The following RARB variants were observed in gnomAD, a reference collection of about 807,000 sequenced individuals.
RARB encodes retinoic acid receptor beta, also known as HBV-activated protein.
A neutral mutation model predicts 51.9 loss-of-function variants in RARB; 17 were observed. That is an observed-to-expected ratio of 0.33 (90% CI 0.22 to 0.49). The LOEUF (loss-of-function observed/expected upper bound fraction) is 0.49, where lower values mean the gene tolerates loss of function less well. RARB is among the 20% of genes least tolerant of loss of function. The pLI is 0.99. For synonymous variants in RARB, 215 were observed against 195.4 expected, an observed-to-expected ratio of 1.10 and a Z score of -0.84; for missense variants, 369 against 550.8, an observed-to-expected ratio of 0.67 and a Z score of 3.30.
chr3:25,113,442 A>AT (rs1699635938), intron 3 of RARB, among the ~76,000 whole-genome samples: 1 of 152,176 alleles, frequency 6.6e-6, no homozygotes, highest in African/African-American at 2.4e-5. Flanking sequence ...CAGTGGAAAT[A>AT]TTTTTTGTTT....
intron 5 of RARB, among the ~76,000 whole-genome samples, chr3:25,186,146 A>G (rs1165507219): frequency 6.6e-6 from 1 of 152,008 alleles, no homozygotes; most frequent in South Asian, 2.1e-4. Flanking sequence ...GACAACCCCA[A>G]CGAAAAATAA....
At chr3:25,263,929 C>T (rs922786838) in intron 5 of RARB, among the ~76,000 whole-genome samples, 1 of 152,140 alleles carries the variant, frequency 6.6e-6, no homozygotes, top group Middle Eastern at 3.4e-3. Flanking sequence ...TACTGACAAG[C>T]GTATTTCTCT....
intron 5 of RARB, among the ~76,000 whole-genome samples, chr3:25,584,072 A>G (rs1456781598): frequency 6.6e-6 from 1 of 152,060 alleles, no homozygotes; most frequent in Non-Finnish European, 1.5e-5. Context: ...AGTCTCTCTC[A>G]ACTTAAAATA....
intron 5 of RARB, among the ~76,000 whole-genome samples, chr3:25,187,132 T>C (rs1161129304): frequency 6.6e-6 from 1 of 152,078 alleles, no homozygotes; most frequent in Non-Finnish European, 1.5e-5. Context: ...ACCTCTCAAA[T>C]GAGGGTCTTA....
At chr3:25,312,820 T>G (rs754643027) in intron 5 of RARB, among the ~76,000 whole-genome samples, 1 of 152,212 alleles carries the variant, frequency 6.6e-6, no homozygotes, top group Admixed American at 6.5e-5. Context: ...TGGGAGCAGC[T>G]GTCCCTCGCG....
intron 4 of RARB, among the ~76,000 whole-genome samples, chr3:25,140,234 ATTTTGGCAGAG>A (rs1368131237): frequency 6.6e-6 from 1 of 152,160 alleles, no homozygotes; most frequent in African/African-American, 2.4e-5. Flanking sequence ...TCTCTGATGG[ATTTTGGCAGAG>A]TTAATTGAAA....
intron 2 of RARB, among the ~76,000 whole-genome samples, chr3:25,031,919 C>T (rs574183060): frequency 2.6e-5 from 4 of 152,234 alleles, no homozygotes; most frequent in African/African-American, 4.8e-5. Context: ...AGGAAAAATA[C>T]ATTAAGAAAG....
At chr3:25,100,644 G>T (rs2125320923) in intron 3 of RARB, among the ~76,000 whole-genome samples, 1 of 152,242 alleles carries the variant, frequency 6.6e-6, no homozygotes. Context: ...CTGATAATGA[G>T]AGATAACTCT....
At chr3:25,464,711 T>C (rs556494710) in intron 2 of RARB, among the ~76,000 whole-genome samples, 1 of 152,224 alleles carries the variant, frequency 6.6e-6, no homozygotes, top group Non-Finnish European at 1.5e-5. Flanking sequence ...CAATACAGTA[T>C]AGAATTTATT....
rs867215456 is a variant in RARB at position 25,124,773 on chromosome 3, C to T, written c.-327-7388C>T. Among the ~76,000 whole-genome samples, 5 of 152,168 alleles carry T rather than the reference C, an allele frequency of 3.3e-5. No individual in the cohort carries two copies. The South Asian group carries it at 8.3e-4, about 25-fold the overall frequency. ...TGATTTATGGTCCTTATTTGTAGCA[C>T]ATTGGTTTTATTTGCCTCATGTTTG... On this transcript the variant is annotated intron_variant, in intron 3 of 11. Transcript: ENST00000383772.
At chr3:25,344,376 G>A (rs1289505998) in intron 5 of RARB, among the ~76,000 whole-genome samples, 1 of 152,138 alleles carries the variant, frequency 6.6e-6, no homozygotes, top group Non-Finnish European at 1.5e-5. Flanking sequence ...TAATTTCTAA[G>A]TAGTGTTTAT....
At chr3:25,044,350 A>G (rs1698172350) in intron 2 of RARB, among the ~76,000 whole-genome samples, 1 of 152,212 alleles carries the variant, frequency 6.6e-6, no homozygotes, top group African/African-American at 2.4e-5. Flanking sequence ...ACTGTATCTG[A>G]GTCTGCCTAC....
chr3:25,245,559 T>A (rs1242568029), intron 5 of RARB, among the ~76,000 whole-genome samples: 1 of 152,214 alleles, frequency 6.6e-6, no homozygotes, highest in Non-Finnish European at 1.5e-5. Context: ...TCTTCACTTA[T>A]GAAGCTTAGT....
intron 4 of RARB, among the ~76,000 whole-genome samples, chr3:25,164,675 G>A (rs138057010): frequency 6.6e-6 from 1 of 151,890 alleles, no homozygotes; most frequent in Admixed American, 6.6e-5. Flanking sequence ...TGCTACTTTG[G>A]GGACCCTATT....
chr3:25,305,407 G>A (rs769041091), intron 5 of RARB, among the ~76,000 whole-genome samples: 14 of 152,224 alleles, frequency 9.2e-5, no homozygotes, highest in East Asian at 7.7e-4. Context: ...TGAAGATTAC[G>A]TCAAATATAT....
intron 3 of RARB, among the ~76,000 whole-genome samples, chr3:25,073,087 G>A (rs1698802474): frequency 6.6e-6 from 1 of 152,144 alleles, no homozygotes; most frequent in Non-Finnish European, 1.5e-5. Context: ...AAAACTGAAT[G>A]AGTAAGACAC....
upstream of RARB, chr3:25,428,150 A>C (rs952226353): frequency 1.2e-4 from 129 of 1,034,922 alleles, 1 homozygote; most frequent in Non-Finnish European, 1.2e-5. Flanking sequence ...CTCTGTGAGA[A>C]TCCTGGGAGT....
Position 25,515,963 on chromosome 3 carries a change from T to C in RARB, c.448+14640T>C, listed in dbSNP as rs895304643. 3.3e-5 allele frequency among the ~76,000 whole-genome samples: 5 copies of C among 152,264 alleles called. No homozygotes were observed. In the South Asian group the frequency reaches 1.0e-3, roughly 32 times the overall value. ...CATCAAGAAGAGTAATACCTCTCATTAGAAGAATCTTCCTTCCTGTTAATA... is the reference window on the plus strand; with the variant it reads ...CATCAAGAAGAGTAATACCTCTCATCAGAAGAATCTTCCTTCCTGTTAATA... On this transcript the variant is annotated intron_variant, in intron 3 of 7. Transcript: ENST00000330688.
At chr3:25,162,407 C>T (rs1559487947) in intron 4 of RARB, among the ~76,000 whole-genome samples, 1 of 152,168 alleles carries the variant, frequency 6.6e-6, no homozygotes, top group Non-Finnish European at 1.5e-5. Flanking sequence ...CACGCCCAGC[C>T]ATTCTTTTTA....
Sources: gnomAD v4.1 joint callset for allele counts (sites outside exome capture counted in the v4.1 genomes callset) on GRCh38, gnomAD v4.1.1 for gene constraint, MANE v1.5 for transcripts, NCBI Gene and HGNC (gene_info 2026-07-23, HGNC 2026-07-21) for gene names.